CACNA2D3: variants seen among roughly 807,000 people sequenced by gnomAD.
The protein encoded by CACNA2D3 is calcium voltage-gated channel auxiliary subunit alpha2delta 3.
CACNA2D3 carries 60 observed loss-of-function variants against 160.6 expected under a neutral mutation model. That is an observed-to-expected ratio of 0.37 (90% CI 0.30 to 0.46). The LOEUF (loss-of-function observed/expected upper bound fraction) is 0.46, where lower values mean the gene tolerates loss of function less well. Ranked by LOEUF, CACNA2D3 falls within the 20% of genes least tolerant of loss-of-function variation. The pLI, the probability that CACNA2D3 is intolerant of heterozygous loss-of-function variation, is 1.00. For synonymous variants in CACNA2D3, 558 were observed against 492.9 expected, an observed-to-expected ratio of 1.13 and a Z score of -1.75; for missense variants, 1,205 against 1,365.0, an observed-to-expected ratio of 0.88 and a Z score of 1.85.
At chr3:54,789,838 C>G (rs1487069674) in intron 13 of CACNA2D3, 1 of 516,988 alleles carries the variant, frequency 1.9e-6, no homozygotes, top group Non-Finnish European at 3.9e-6. Flanking sequence ...TTAAAATGAG[C>G]TGGGGCTTGA....
chr3:54,781,974 A>T (rs546336181), intron 13 of CACNA2D3, among the ~76,000 whole-genome samples: 8 of 152,356 alleles, frequency 5.3e-5, no homozygotes, highest in African/African-American at 1.9e-4. Flanking sequence ...TAGAGCTCCC[A>T]AAGTACTTAT....
intron 2 of CACNA2D3, among the ~76,000 whole-genome samples, chr3:54,278,516 A>T (rs112211176): frequency 0.031 from 4,687 of 152,272 alleles, 218 homozygotes; most frequent in African/African-American, 0.099. Context: ...AAATCATTCT[A>T]CTGTAAAGAT....
At chr3:54,878,058 C>G (rs1699705099) in intron 18 of CACNA2D3, among the ~76,000 whole-genome samples, 1 of 152,156 alleles carries the variant, frequency 6.6e-6, no homozygotes, top group South Asian at 2.1e-4. Flanking sequence ...TATGCCTTTA[C>G]TCACTCACAC....
At chr3:55,012,743 C>G (rs935534751) in intron 34 of CACNA2D3, among the ~76,000 whole-genome samples, 1 of 152,016 alleles carries the variant, frequency 6.6e-6, no homozygotes, top group African/African-American at 2.4e-5. Flanking sequence ...AAGACAGCCC[C>G]CATAACAAAG....
At chr3:54,191,411 A>G (rs1231310182) in intron 2 of CACNA2D3, among the ~76,000 whole-genome samples, 1 of 151,862 alleles carries the variant, frequency 6.6e-6, no homozygotes, top group East Asian at 1.9e-4. Flanking sequence ...CATCATCATC[A>G]TCATCATCAT....
intron 24 of CACNA2D3, among the ~76,000 whole-genome samples, chr3:54,888,985 T>C (rs1699994585): frequency 6.6e-6 from 1 of 152,130 alleles, no homozygotes. Flanking sequence ...TAAAGACACA[T>C]AAAGTGTAAC....
intron 17 of CACNA2D3, among the ~76,000 whole-genome samples, chr3:54,852,622 G>A (rs1699083050): frequency 6.6e-6 from 1 of 152,100 alleles, no homozygotes; most frequent in African/African-American, 2.4e-5. Flanking sequence ...CTGCTTCTTT[G>A]TTCTTGTGGA....
At chr3:54,823,376 A>T (rs995585269) in intron 14 of CACNA2D3, among the ~76,000 whole-genome samples, 8 of 150,578 alleles carry the variant, frequency 5.3e-5, no homozygotes, top group African/African-American at 2.0e-4. Context: ...TTTATTATTA[A>T]CTTTTTTAAA....
chr3:54,320,667 A>G (rs2107507888), intron 3 of CACNA2D3, 109 bp downstream of exon 3: 1 of 558,280 alleles, frequency 1.8e-6, no homozygotes, highest in Non-Finnish European at 3.1e-6. Context: ...TCACGCATCT[A>G]TTACGTAAAT....
At chr3:54,928,264 C>T (rs1701084706) in intron 27 of CACNA2D3, among the ~76,000 whole-genome samples, 1 of 152,332 alleles carries the variant, frequency 6.6e-6, no homozygotes, top group East Asian at 1.9e-4. Flanking sequence ...ACAGCTGTAG[C>T]ATTCAAACAT....
intron 27 of CACNA2D3, among the ~76,000 whole-genome samples, chr3:54,957,814 C>T (rs1477629146): frequency 6.6e-6 from 1 of 152,174 alleles, no homozygotes; most frequent in Non-Finnish European, 1.5e-5. Context: ...TACACAGTCC[C>T]CCAGACACAA....
At chr3:54,532,583 G>A (rs1386880422) in intron 5 of CACNA2D3, among the ~76,000 whole-genome samples, 3 of 152,174 alleles carry the variant, frequency 2.0e-5, no homozygotes, top group South Asian at 4.1e-4. Flanking sequence ...TTATTCCACT[G>A]AAGATAATGG....
At chr3:54,706,686 G>A (rs1700862687) in intron 11 of CACNA2D3, among the ~76,000 whole-genome samples, 1 of 152,178 alleles carries the variant, frequency 6.6e-6, no homozygotes, top group African/African-American at 2.4e-5. Flanking sequence ...AGGCCATTGT[G>A]AGAATCGATG....
intron 11 of CACNA2D3, among the ~76,000 whole-genome samples, chr3:54,726,521 A>G (rs912125685): frequency 5.3e-5 from 8 of 152,104 alleles, no homozygotes; most frequent in Admixed American, 6.5e-5. Flanking sequence ...ATACTACAAG[A>G]CTACAGTAAC....
intron 13 of CACNA2D3, among the ~76,000 whole-genome samples, chr3:54,780,323 G>A (rs534964278): frequency 2.0e-5 from 3 of 152,304 alleles, no homozygotes; most frequent in Admixed American, 1.3e-4. Flanking sequence ...AGGGACATTT[G>A]GGGGATGAAC....
At chr3:54,610,608 G>A (rs555375720) in intron 9 of CACNA2D3, among the ~76,000 whole-genome samples, 3 of 151,734 alleles carry the variant, frequency 2.0e-5, no homozygotes, top group African/African-American at 7.3e-5. Context: ...CCCATGTTTT[G>A]GATCTTTTCT....
rs138671219 is a variant in CACNA2D3 at position 54,393,812 on chromosome 3, T to G, written c.381+7038T>G. Among the ~76,000 whole-genome samples the G allele has an allele frequency of 2.7e-3, 404 of 152,346 alleles. 5 individuals carry two copies. The highest frequency in any genetic ancestry group is 8.8e-3 in the African/African-American group (368 of 41,584). Reference sequence around the variant, plus strand: ...TTGGTTGAGCTGGGACACCTTGCCCTACTGGCTGAAGAACTGTAGTACCCT... The same window carrying G: ...TTGGTTGAGCTGGGACACCTTGCCCGACTGGCTGAAGAACTGTAGTACCCT... On this transcript the variant is annotated intron_variant, in intron 4 of 37. Coordinates refer to ENST00000474759, the MANE Select transcript of CACNA2D3 (RefSeq NM_018398.3).
chr3:54,468,432 C>A (rs1700667331), intron 4 of CACNA2D3, among the ~76,000 whole-genome samples: 1 of 152,206 alleles, frequency 6.6e-6, no homozygotes, highest in Non-Finnish European at 1.5e-5. Flanking sequence ...GTCTTTGCGA[C>A]CTGCAGACCA....
At chr3:55,000,261 T>C (rs752516241) in intron 31 of CACNA2D3, among the ~76,000 whole-genome samples, 9 of 152,098 alleles carry the variant, frequency 5.9e-5, no homozygotes, top group Admixed American at 1.3e-4. Context: ...AGTAACAAAG[T>C]CACTTCAAAA....
Sources: gnomAD v4.1 joint callset for allele counts (sites outside exome capture counted in the v4.1 genomes callset) on GRCh38, gnomAD v4.1.1 for gene constraint, MANE v1.5 for transcripts, NCBI Gene and HGNC (gene_info 2026-07-23, HGNC 2026-07-21) for gene names.